The following TRIM62 variants were observed in gnomAD, a reference collection of about 807,000 sequenced individuals.
The protein encoded by TRIM62 is tripartite motif containing 62, also known as E3 ubiquitin-protein ligase TRIM62.
A neutral mutation model predicts 44.2 loss-of-function variants in TRIM62; 39 were observed. The ratio of observed to expected loss-of-function variants is 0.88; its 90% CI spans 0.68 to 1.15. The LOEUF (loss-of-function observed/expected upper bound fraction) is 1.15, where lower values mean the gene tolerates loss of function less well. TRIM62 is among the 50% of genes most tolerant of loss of function. The pLI is 0.00. For synonymous variants in TRIM62, 278 were observed against 292.3 expected, an observed-to-expected ratio of 0.95 and a Z score of 0.50; for missense variants, 544 against 665.5, an observed-to-expected ratio of 0.82 and a Z score of 2.01.
rs1031782018 is a variant in TRIM62, at chr1:33,161,167, A to C, written c.505-1223T>G. On this transcript the variant is annotated intron_variant, in intron 2 of 4. Transcript: ENST00000291416. The surrounding 1 kb of genome is among the most constrained non-coding windows in gnomAD (Gnocchi z 4.3). ...GTTGTGCGCACTCCAAGGCGCAGAG[A>C]AAGAGCCTGGTTATTGAAGACTGCA... is the stretch of plus-strand genomic sequence containing the variant. Among the ~76,000 whole-genome samples, 16 of 152,244 alleles carry C rather than the reference A, an allele frequency of 1.1e-4. No homozygotes were observed. Among genetic ancestry groups the C allele is most frequent in the African/African-American group, 3.9e-4 (16 of 41,462 alleles).
rs1267732066 is a variant in TRIM62 at position 33,146,182 on chromosome 1, C to T, written c.*995G>A. On this transcript the variant is annotated 3_prime_UTR_variant, in exon 5 of 5. Coordinates refer to ENST00000291416, the MANE Select transcript of TRIM62 (RefSeq NM_018207.3). Reference sequence around the variant, plus strand: ...GCTCTTCCAACAATTTTGCAAGCCACCAGGGGCCAGGTAGTAAATCCTTGT... The same window carrying T: ...GCTCTTCCAACAATTTTGCAAGCCATCAGGGGCCAGGTAGTAAATCCTTGT... 3.8e-6 allele frequency: 1 copy of T among 263,110 alleles called. No individual in the cohort carries two copies. Among genetic ancestry groups the T allele is most frequent in the Non-Finnish European group, 7.5e-6 (1 of 132,664 alleles). 16.3% of individuals were successfully genotyped at this position (263,110 alleles called of 1,614,324 possible).
In TRIM62 at chr1:33,174,968, TAC is replaced by T. The variant is rs1381458815; in HGVS notation, c.408+6055_408+6056del. ...GTGTATATATATATATATATATATA[TAC>T]ACACATATACATATATATGCACACA... On this transcript the variant is annotated intron_variant, in intron 1 of 4. Coordinates refer to ENST00000291416, the MANE Select transcript of TRIM62 (RefSeq NM_018207.3). Among the ~76,000 whole-genome samples the T allele has an allele frequency of 6.7e-3, 834 of 124,910 alleles. 4 individuals are homozygous for T. Among genetic ancestry groups the T allele is most frequent in the African/African-American group, 0.019 (519 of 27,492 alleles). 81.9% of individuals were successfully genotyped at this position (124,910 alleles called of 152,430 possible).
intron 1 of TRIM62, among the ~76,000 whole-genome samples, chr1:33,171,987 G>A (rs904525072): frequency 3.3e-5 from 5 of 152,052 alleles, no homozygotes; most frequent in African/African-American, 1.2e-4. Flanking sequence ...TCACCATGTT[G>A]GTCAGGCTGG....
At position 33,154,996 on chromosome 1, in the gene TRIM62, G is replaced by A. The variant is rs1347094874; in HGVS notation, c.877+3257C>T. On this transcript the variant is annotated intron_variant, in intron 4 of 4. Transcript: ENST00000291416. ...CAGTCCCAGCTACTCGGGAGGCTGAGGCGGGAGAATGGCGTGAACCCGGGA... is the reference window on the plus strand; with the variant it reads ...CAGTCCCAGCTACTCGGGAGGCTGAAGCGGGAGAATGGCGTGAACCCGGGA... Among the ~76,000 whole-genome samples, 4 of 149,790 alleles carry A rather than the reference G, an allele frequency of 2.7e-5. No homozygotes were observed. In the East Asian group the frequency reaches 8.1e-4, roughly 30 times the overall value.
rs1232011557 is a variant in TRIM62, at chr1:33,181,427, C to A, written c.6G>T (p.Ala2=). M[A]CSLKDELLCS... is the part of the protein sequence containing the mutation. ...ACAGCAGCTCGTCCTTGAGGCTGCA[C>A]GCCATGGCGCCAGGGGCAGCAGAGA... The change falls in exon 1 of 5, where the codon GCG becomes GCT. Residue 2 remains alanine, a synonymous_variant. Transcript: ENST00000291416. The surrounding 1 kb of genome is among the most constrained non-coding windows in gnomAD (Gnocchi z 6.5). 1.9e-6 allele frequency: 3 copies of A among 1,593,420 alleles called. No homozygotes were observed. The African/African-American group carries it at 4.1e-5, about 22-fold the overall frequency.
intron 1 of TRIM62, among the ~76,000 whole-genome samples, chr1:33,178,132 C>A (rs758292846): frequency 8.5e-5 from 13 of 152,196 alleles, no homozygotes; most frequent in Non-Finnish European, 1.9e-4. Flanking sequence ...GGCTTCGAGG[C>A]CTTAGGCAAG....
intron 1 of TRIM62, among the ~76,000 whole-genome samples, chr1:33,180,396 C>T (rs1410771614): frequency 5.9e-5 from 9 of 152,128 alleles, no homozygotes; most frequent in Non-Finnish European, 7.4e-5. Flanking sequence ...CTTAACCCCT[C>T]ATACACCTTG....
At position 33,150,235 on chromosome 1, in the gene TRIM62, C is replaced by T. The variant is rs557656810; in HGVS notation, c.878-2508G>A. Among the ~76,000 whole-genome samples, 280 of 152,312 alleles carry T rather than the reference C, an allele frequency of 1.8e-3. 2 individuals are homozygous for T. Among genetic ancestry groups the T allele is most frequent in the African/African-American group, 6.4e-3 (264 of 41,570 alleles). ...TCCTTGGGGTCTTGGACATCCAGCT[C>T]TCTGGCTCTTTCCTTTACTGGCGAA... On this transcript the variant is annotated intron_variant, in intron 4 of 4. Transcript: ENST00000291416.
chr1:33,158,373 A>T lies in TRIM62; in HGVS notation c.762-5T>A. 1 of 1,612,684 alleles carries T rather than the reference A, an allele frequency of 6.2e-7. No homozygotes were observed. On this transcript the variant is annotated splice_polypyrimidine_tract_variant and splice_region_variant and intron_variant, in intron 3 of 4. Coordinates refer to ENST00000291416, the MANE Select transcript of TRIM62 (RefSeq NM_018207.3). ...TCATGGATTTTTCCCTTGAGCCTGG[A>T]AGGAGAGCAGGAAAGGGGGCTGCAC... is the stretch of plus-strand genomic sequence containing the variant.
At chr1:33,163,579 C>G (rs889863411) in intron 2 of TRIM62, 1 of 152,250 alleles carries the variant, frequency 6.6e-6, no homozygotes, top group East Asian at 1.9e-4. Flanking sequence ...AGCTCTGTGG[C>G]TGGGGAAACA....
At chr1:33,169,435 A>G (rs1475919012) in intron 1 of TRIM62, among the ~76,000 whole-genome samples, 1 of 152,166 alleles carries the variant, frequency 6.6e-6, no homozygotes, top group Non-Finnish European at 1.5e-5. Flanking sequence ...CTGTGGCCCC[A>G]GGCTCCTCCC....
chr1:33,159,209 G>A lies in TRIM62; in HGVS notation c.761+479C>T, dbSNP rs1179388557. Among the ~76,000 whole-genome samples the A allele has an allele frequency of 1.3e-5, 2 of 152,040 alleles. No individual in the cohort carries two copies. Among genetic ancestry groups the A allele is most frequent in the Non-Finnish European group, 2.9e-5 (2 of 68,020 alleles). On this transcript the variant is annotated intron_variant, in intron 3 of 4. Transcript: ENST00000291416. The surrounding 1 kb of genome is among the most constrained non-coding windows in gnomAD (Gnocchi z 4.2). ...TGGTAACTACTTTCAAAGGGACTGA[G>A]AGGGTTACAGTAATATAAAGCCTTT...
chr1:33,159,859 A>C lies in TRIM62; in HGVS notation c.590T>G (p.Leu197Arg). Residue 197 changes from leucine to arginine, a missense_variant, in exon 3 of 5, where the codon CTA becomes CGA. Coordinates refer to ENST00000291416, the MANE Select transcript of TRIM62 (RefSeq NM_018207.3). The surrounding 1 kb of genome is among the most constrained non-coding windows in gnomAD (Gnocchi z 4.2). Reference protein sequence around the residue: ...RLLRERQKAMLEELEADTART... With the variant: ...RLLRERQKAMREELEADTART... ...GGCCGTGTCCGCCTCCAGCTCCTCT[A>C]GCATGGCCTTCTGGCGTTCACGCAG... is the stretch of plus-strand genomic sequence containing the variant. The C allele has an allele frequency of 6.2e-7, 1 of 1,613,196 alleles. No homozygotes were observed. Among genetic ancestry groups the C allele is most frequent in the South Asian group, 1.1e-5 (1 of 91,074 alleles).
At chr1:33,158,519 G>T in intron 3 of TRIM62, 151 bp from the exon 4 acceptor site, 1 of 628,990 alleles carries the variant, frequency 1.6e-6, no homozygotes, top group East Asian at 2.8e-5. Context: ...TGCTTGTGCT[G>T]CTTCTGGCCT....
intron 4 of TRIM62, among the ~76,000 whole-genome samples, chr1:33,150,759 G>A (rs1645085056): frequency 6.6e-6 from 1 of 152,150 alleles, no homozygotes; most frequent in African/African-American, 2.4e-5. Context: ...GCTGTAGGAG[G>A]AGTGTGTGGT....
At chr1:33,158,621 C>T (rs1645214870) in intron 3 of TRIM62, among the ~76,000 whole-genome samples, 1 of 152,214 alleles carries the variant, frequency 6.6e-6, no homozygotes, top group Non-Finnish European at 1.5e-5. Context: ...CATGGCATAA[C>T]ATATACAGAT....
At chr1:33,149,925 A>G (rs968104504) in intron 4 of TRIM62, among the ~76,000 whole-genome samples, 1 of 152,266 alleles carries the variant, frequency 6.6e-6, no homozygotes, top group East Asian at 1.9e-4. Context: ...CTTGTGGCAC[A>G]TTTCCGGAAA....
intron 2 of TRIM62, chr1:33,164,331 G>A (rs1431244049): frequency 1.3e-5 from 2 of 152,248 alleles, no homozygotes; most frequent in African/African-American, 4.8e-5. Flanking sequence ...GCATTCCTAA[G>A]GCTCTGCCGC....
intron 4 of TRIM62, among the ~76,000 whole-genome samples, chr1:33,150,015 C>T (rs544212216): frequency 1.1e-4 from 17 of 152,310 alleles, no homozygotes; most frequent in East Asian, 7.7e-4. Context: ...CTGGCCACAC[C>T]GGCTTAGCAG....
Sources: gnomAD v4.1 joint callset for allele counts (sites outside exome capture counted in the v4.1 genomes callset) on GRCh38, gnomAD v4.1.1 for gene constraint, Gnocchi (gnomAD v3.1) non-coding constraint, MANE v1.5 for transcripts, NCBI Gene and HGNC (gene_info 2026-07-23, HGNC 2026-07-21) for gene names.